Variants in SLC22A24 observed in about 807,000 individuals in gnomAD.
SLC22A24 encodes solute carrier family 22 member 24, also known as steroid transmembrane transporter SLC22A24.
Under a neutral mutation model 49.8 loss-of-function variants are expected in SLC22A24, and 53 were observed. The observed-to-expected ratio is 1.06, with a 90% CI of 0.85 to 1.34. The LOEUF is 1.34. SLC22A24 is among the 40% of genes most tolerant of loss of function. The pLI is 0.00. For synonymous variants in SLC22A24, 302 were observed against 256.4 expected, an observed-to-expected ratio of 1.18 and a Z score of -1.70; for missense variants, 786 against 675.9, an observed-to-expected ratio of 1.16 and a Z score of -1.81.
intron 6 of SLC22A24, among the ~76,000 whole-genome samples, chr11:63,087,024 G>GCACTCACA (rs1555045312): frequency 7.5e-6 from 1 of 132,556 alleles, no homozygotes; most frequent in Admixed American, 7.9e-5. Flanking sequence ...CCTGGAGGGC[G>GCACTCACA]CACACACACA....
At chr11:63,113,245 C>CATATATAT (rs1395226659) in intron 4 of SLC22A24, among the ~76,000 whole-genome samples, 1 of 132,428 alleles carries the variant, frequency 7.6e-6, no homozygotes, top group African/African-American at 3.2e-5. Context: ...TATATATATA[C>CATATATAT]ACACATACAC....
At chr11:63,097,945 G>A (rs1163845751) in intron 5 of SLC22A24, among the ~76,000 whole-genome samples, 4 of 152,064 alleles carry the variant, frequency 2.6e-5, no homozygotes, top group African/African-American at 9.7e-5. Context: ...AGGAGGGAAA[G>A]CATTAGGACA....
intron 4 of SLC22A24, among the ~76,000 whole-genome samples, chr11:63,117,185 G>T (rs1406945821): frequency 1.3e-5 from 2 of 152,026 alleles, no homozygotes; most frequent in African/African-American, 4.8e-5. Context: ...AACATATAAT[G>T]TAACAATTCT....
intron 7 of SLC22A24, among the ~76,000 whole-genome samples, chr11:63,082,601 G>C (rs543612078): frequency 6.6e-6 from 1 of 152,174 alleles, no homozygotes; most frequent in African/African-American, 2.4e-5. Context: ...TTCTTAATCT[G>C]TTCCTTGTTT....
intron 4 of SLC22A24, among the ~76,000 whole-genome samples, chr11:63,110,342 G>T (rs191370435): frequency 5.9e-5 from 9 of 152,112 alleles, no homozygotes; most frequent in Non-Finnish European, 2.9e-5. Context: ...CTCTTTTTTG[G>T]TTCCATATGA....
intron 4 of SLC22A24, among the ~76,000 whole-genome samples, chr11:63,112,025 G>A (rs571768284): frequency 2.0e-4 from 30 of 151,852 alleles, no homozygotes; most frequent in Admixed American, 1.3e-3. Context: ...CTTTGAATGT[G>A]TCCCAGAGAT....
Position 63,083,366 on chromosome 11 carries a change from C to A in SLC22A24, c.1162G>T (p.Val388Phe), listed in dbSNP as rs1219295497. Residue 388 changes from valine (V) to phenylalanine (F), a missense_variant, in exon 7 of 10, where the codon GTC becomes TTC. Transcript: ENST00000612278. ...GAAACACATCTGGCTGTGAATGTGA[C>A]AGCTCCACAGAGAATCTGGAACAGG... ...VSLFQILCGA[V>F]TFTARCVSLL... The A allele has an allele frequency of 6.4e-7, 1 of 1,552,420 alleles. No individual in the cohort carries two copies. The highest frequency in any genetic ancestry group is 1.2e-5 in the South Asian group (1 of 84,080).
chr11:63,112,689 C>T (rs762612106), intron 4 of SLC22A24, among the ~76,000 whole-genome samples: 24 of 151,956 alleles, frequency 1.6e-4, no homozygotes, highest in Non-Finnish European at 2.6e-4. Context: ...TTCTCTAGTT[C>T]TTTCAGTCTG....
chr11:63,109,181 A>C (rs1208331894), intron 4 of SLC22A24, among the ~76,000 whole-genome samples: 2 of 148,644 alleles, frequency 1.3e-5, no homozygotes, highest in African/African-American at 2.5e-5. Context: ...TGAACTCATC[A>C]TTTTTTATGG....
At chr11:63,087,972 G>A (rs1223903416) in intron 6 of SLC22A24, among the ~76,000 whole-genome samples, 1 of 152,164 alleles carries the variant, frequency 6.6e-6, no homozygotes, top group African/African-American at 2.4e-5. Context: ...AGGAGTGGCT[G>A]TGGGCGCAGC....
chr11:63,082,687 G>T (rs2086966679), intron 7 of SLC22A24, among the ~76,000 whole-genome samples: 1 of 152,214 alleles, frequency 6.6e-6, no homozygotes, highest in Non-Finnish European at 1.5e-5. Context: ...CTTCATTTAT[G>T]GTTGAAGACA....
chr11:63,097,374 G>C (rs2087061323), intron 5 of SLC22A24, among the ~76,000 whole-genome samples: 1 of 152,170 alleles, frequency 6.6e-6, no homozygotes, highest in African/African-American at 2.4e-5. Flanking sequence ...ACCACAGTAA[G>C]TTACCATCTC....
chr11:63,081,142 A>T lies in SLC22A24; in HGVS notation c.1395-19T>A, dbSNP rs911173142. On this transcript the variant is annotated intron_variant, in intron 8 of 9. Coordinates refer to ENST00000612278, the MANE Select transcript of SLC22A24 (RefSeq NM_001136506.2). ...TGTTGACCTTAGAGTGCAAATAACA[A>T]TACAAAAAATCTTGTATGAATCTGT... 3.2e-6 allele frequency: 5 copies of T among 1,543,620 alleles called. No homozygotes were observed. The African/African-American group carries it at 6.9e-5, about 21-fold the overall frequency.
At chr11:63,126,419 C>A (rs547196307) in intron 2 of SLC22A24, among the ~76,000 whole-genome samples, 70 of 152,250 alleles carry the variant, frequency 4.6e-4, no homozygotes, top group African/African-American at 1.6e-3. Flanking sequence ...ATAGGGAATC[C>A]TTTCCCCATT....
At chr11:63,132,240 T>C (rs1321932209) in intron 2 of SLC22A24, among the ~76,000 whole-genome samples, 1 of 152,188 alleles carries the variant, frequency 6.6e-6, no homozygotes, top group East Asian at 1.9e-4. Flanking sequence ...TTCTTTAGCT[T>C]GGAGAAGTTT....
At chr11:63,135,475 A>G (rs1043632412) in intron 1 of SLC22A24, among the ~76,000 whole-genome samples, 8 of 152,240 alleles carry the variant, frequency 5.3e-5, no homozygotes, top group Admixed American at 2.0e-4. Flanking sequence ...ATTAAATGAC[A>G]TAGTAACAGG....
intron 6 of SLC22A24, among the ~76,000 whole-genome samples, chr11:63,093,079 CAT>C (rs1237345477): frequency 2.0e-5 from 3 of 152,050 alleles, no homozygotes; most frequent in African/African-American, 7.2e-5. Context: ...GGCCAACAAA[CAT>C]GAAAAAAAGC....
rs990677480 is a variant in SLC22A24 at position 63,081,557 on chromosome 11, C to A, written c.1394+1G>T. On this transcript the variant is annotated splice_donor_variant, in intron 8 of 9. Transcript: ENST00000612278. LOFTEE classifies it high-confidence loss of function. Reference sequence around the variant, plus strand: ...AACCAGATGGTCTTTAGCTCTTGTACCTCAATATGGTGGGGACGAGCTCGT... The same window carrying A: ...AACCAGATGGTCTTTAGCTCTTGTAACTCAATATGGTGGGGACGAGCTCGT... 1.6e-5 allele frequency: 24 copies of A among 1,547,400 alleles called. No homozygotes were observed. The Admixed American group carries it at 4.1e-4, about 27-fold the overall frequency.
chr11:63,097,173 A>G (rs982551670), intron 5 of SLC22A24, among the ~76,000 whole-genome samples: 1 of 151,862 alleles, frequency 6.6e-6, no homozygotes, highest in Non-Finnish European at 1.5e-5. Context: ...TCTATCATCT[A>G]TCCATCTGTC....
Sources: allele counts gnomAD v4.1 joint callset (sites outside exome capture counted in the v4.1 genomes callset), GRCh38; gene constraint gnomAD v4.1.1; transcripts MANE v1.5; gene names NCBI Gene and HGNC (gene_info 2026-07-23, HGNC 2026-07-21).